The following EPB41 variants were observed in gnomAD, a reference collection of about 807,000 sequenced individuals.
EPB41 encodes protein 4.1.
Under a neutral mutation model 108.0 loss-of-function variants are expected in EPB41, and 65 were observed. The observed-to-expected ratio is 0.60, with a 90% CI of 0.49 to 0.74. The LOEUF (loss-of-function observed/expected upper bound fraction) is 0.74, where lower values mean the gene tolerates loss of function less well. Ranked by LOEUF, EPB41 falls within the 30% of genes least tolerant of loss-of-function variation. The pLI, the probability that EPB41 is intolerant of heterozygous loss-of-function variation, is 0.00. For synonymous variants in EPB41, 336 were observed against 358.9 expected, an observed-to-expected ratio of 0.94 and a Z score of 0.72; for missense variants, 875 against 1,037.0, an observed-to-expected ratio of 0.84 and a Z score of 2.15.
chr1:29,086,691 A>G (rs996188332), intron 16 of EPB41, among the ~76,000 whole-genome samples: 1 of 152,192 alleles, frequency 6.6e-6, no homozygotes, highest in African/African-American at 2.4e-5. Flanking sequence ...ATATAGAAAG[A>G]TAAAATGAGA....
intron 17 of EPB41, among the ~76,000 whole-genome samples, chr1:29,104,346 A>G (rs774211449): frequency 6.6e-6 from 1 of 152,192 alleles, no homozygotes; most frequent in Admixed American, 6.5e-5. Flanking sequence ...TTTGGAAAAC[A>G]TGGTCAGAGG....
intron 16 of EPB41, among the ~76,000 whole-genome samples, chr1:29,075,588 G>A (rs1205412957): frequency 6.6e-6 from 1 of 152,172 alleles, no homozygotes; most frequent in African/African-American, 2.4e-5. Flanking sequence ...AAAGGTAGGG[G>A]AAGGCATAGA....
chr1:28,929,843 C>CTTTTTTTTTTTTTTTTTT, intron 1 of EPB41, among the ~76,000 whole-genome samples: 1 of 101,886 alleles, frequency 9.8e-6, no homozygotes. Flanking sequence ...ACTGGGCCTT[C>CTTTTTTTTTTTTTTTTTT]TTTTTTTTTT....
intron 4 of EPB41, 33 bp downstream of exon 4, chr1:28,997,352 C>CA (rs768572526): frequency 3.8e-6 from 5 of 1,305,596 alleles, no homozygotes; most frequent in South Asian, 3.5e-5. Context: ...AAGAAGCTGA[C>CA]AAAAAATTTA....
At chr1:29,111,384 C>T (rs541717133) in intron 18 of EPB41, among the ~76,000 whole-genome samples, 16 of 151,080 alleles carry the variant, frequency 1.1e-4, no homozygotes, top group African/African-American at 2.2e-4. Flanking sequence ...AGGCTGGGCG[C>T]GGTGGCTCAC....
At chr1:28,995,687 A>G (rs2149664445) in intron 3 of EPB41, among the ~76,000 whole-genome samples, 1 of 152,378 alleles carries the variant, frequency 6.6e-6, no homozygotes, top group South Asian at 2.1e-4. Flanking sequence ...GATCAGACAT[A>G]GTATTTCTAT....
intron 1 of EPB41, among the ~76,000 whole-genome samples, chr1:28,969,860 C>T (rs1335157773): frequency 6.6e-6 from 1 of 152,070 alleles, no homozygotes; most frequent in Non-Finnish European, 1.5e-5. Flanking sequence ...AAGATCGTGC[C>T]GCTGTACTCC....
At chr1:29,032,572 AACTT>A (rs1221112398) in intron 8 of EPB41, among the ~76,000 whole-genome samples, 1 of 152,220 alleles carries the variant, frequency 6.6e-6, no homozygotes, top group Non-Finnish European at 1.5e-5. Flanking sequence ...TGTAGGGACT[AACTT>A]AGGTGAAATT....
chr1:29,029,553 C>A (rs1277453745), intron 7 of EPB41, among the ~76,000 whole-genome samples: 1 of 152,132 alleles, frequency 6.6e-6, no homozygotes, highest in South Asian at 2.1e-4. Context: ...ATTATTGTTA[C>A]TGTTAAGTTA....
rs747929575 is a variant in EPB41 at position 28,993,415 on chromosome 1, A to T, written c.554A>T (p.Lys185Ile). ...GLEECSKIEVKEESPQSKAET... is the reference protein window; with the variant it reads ...GLEECSKIEVIEESPQSKAET... ...GAAGAGTGCTCCAAAATAGAAGTAA[A>T]AGAAGAAAGCCCTCAATCAAAAGCA... is the stretch of plus-strand genomic sequence containing the variant. The change falls in exon 3 of 21, where the codon AAA becomes ATA. Residue 185 changes from lysine (K) to isoleucine (I), a missense_variant. Physicochemically the swap from Lys to Ile is moderately radical, Grantham distance 102. Coordinates refer to ENST00000343067, the MANE Select transcript of EPB41 (RefSeq NM_001376013.1). The T allele has an allele frequency of 6.2e-7, 1 of 1,614,034 alleles. No homozygotes were observed. The highest frequency in any genetic ancestry group is 8.5e-7 in the Non-Finnish European group (1 of 1,179,998).
chr1:29,065,172 C>A lies in EPB41; in HGVS notation c.2184+14C>A. 6.4e-7 allele frequency: 1 copy of A among 1,556,082 alleles called. No homozygotes were observed. The highest frequency in any genetic ancestry group is 1.2e-5 in the South Asian group (1 of 82,338). ...ACAGGAGAAGGAGTGAGTACTTTGT[C>A]CACATGACCAATTGTGAAAATGGAG... On this transcript the variant is annotated intron_variant, in intron 16 of 20. Transcript: ENST00000343067.
chr1:29,030,600 G>T (rs902505108), intron 8 of EPB41, 113 bp downstream of exon 8: 1 of 871,624 alleles, frequency 1.1e-6, no homozygotes, highest in Non-Finnish European at 1.9e-6. Flanking sequence ...AACATCTGGG[G>T]TATTTTAAAA....
chr1:28,954,719 C>G (rs1005466323), intron 1 of EPB41, among the ~76,000 whole-genome samples: 1 of 152,072 alleles, frequency 6.6e-6, no homozygotes, highest in Non-Finnish European at 1.5e-5. Context: ...TTCATGCCAC[C>G]ATGTTTAAGG....
chr1:28,898,002 G>A (rs986898583), intron 1 of EPB41, among the ~76,000 whole-genome samples: 1 of 152,084 alleles, frequency 6.6e-6, no homozygotes, highest in Non-Finnish European at 1.5e-5. Context: ...ATGAGTAAGA[G>A]CTCTCTAGGT....
chr1:28,891,859 T>C (rs910894472), intron 1 of EPB41, among the ~76,000 whole-genome samples: 1 of 151,954 alleles, frequency 6.6e-6, no homozygotes, highest in African/African-American at 2.4e-5. Context: ...GAGGCCAAGG[T>C]GGGCGGGTCA....
At chr1:28,932,562 G>A (rs570726618) in intron 1 of EPB41, among the ~76,000 whole-genome samples, 1 of 147,840 alleles carries the variant, frequency 6.8e-6, no homozygotes, top group African/African-American at 2.5e-5. Context: ...TTGTTAATGT[G>A]GAGATGAAAA....
At chr1:28,926,834 G>A (rs1199493929) in intron 1 of EPB41, among the ~76,000 whole-genome samples, 3 of 152,216 alleles carry the variant, frequency 2.0e-5, no homozygotes, top group South Asian at 4.1e-4. Context: ...TAAATTGGAT[G>A]TCTGTCTAAT....
At chr1:29,020,995 G>T (rs1257413817) in intron 7 of EPB41, among the ~76,000 whole-genome samples, 1 of 152,030 alleles carries the variant, frequency 6.6e-6, no homozygotes, top group African/African-American at 2.4e-5. Flanking sequence ...GGTTTGAGAG[G>T]ACTTATAGTC....
chr1:29,086,620 A>G (rs956078758), intron 16 of EPB41, among the ~76,000 whole-genome samples: 2 of 152,120 alleles, frequency 1.3e-5, no homozygotes, highest in Non-Finnish European at 2.9e-5. Context: ...GGAAAATATA[A>G]TTTTTAAATG....
Sources: allele counts gnomAD v4.1 joint callset (sites outside exome capture counted in the v4.1 genomes callset), GRCh38; gene constraint gnomAD v4.1.1; transcripts MANE v1.5; gene names NCBI Gene and HGNC (gene_info 2026-07-23, HGNC 2026-07-21).